Variants in ALS2CL observed in about 807,000 individuals in gnomAD.
ALS2CL encodes ALS2 C-terminal-like protein.
ALS2CL carries 112 observed loss-of-function variants against 127.9 expected under a neutral mutation model. The observed-to-expected ratio is 0.88, with a 90% CI of 0.75 to 1.02. The LOEUF (loss-of-function observed/expected upper bound fraction) is 1.02. Ranked by LOEUF, ALS2CL falls within the 50% of genes least tolerant of loss-of-function variation. The pLI is 0.00. For missense variants in ALS2CL, 1,174 were observed against 1,236.7 expected (o/e 0.95, Z 0.76); for synonymous variants, 519 against 527.6 (o/e 0.98, Z 0.22).
rs533853040 is a variant in ALS2CL at position 46,680,837 on chromosome 3, G to A, written c.1437-296C>T. The A allele has an allele frequency of 4.4e-5, 23 of 526,390 alleles. No individual in the cohort carries two copies. The East Asian group carries it at 4.7e-4, about 11-fold the overall frequency. The allele number at this position is 526,390 out of a possible 1,614,324, so 32.6% of individuals were successfully genotyped here. The stretch of plus-strand genomic sequence containing the variant: ...GGAGGTAGGAGCATGTGATGGATAC[G>A]TGGGGACTTCAGTGGTCCAGAAAGG... On this transcript the variant is annotated intron_variant, in intron 13 of 25. Transcript: ENST00000318962.
intron 7 of ALS2CL, 67 bp downstream of exon 7, chr3:46,685,458 C>A (rs77014442): frequency 0.06 from 94,530 of 1,586,220 alleles, 3,282 homozygotes; most frequent in Non-Finnish European, 0.069. Flanking sequence ...CCCTTTACTG[C>A]TCCTTTTCCA....
In ALS2CL at chr3:46,682,098, G is replaced by A; in HGVS notation, c.1110-4C>T. On this transcript the variant is annotated splice_region_variant and splice_polypyrimidine_tract_variant and intron_variant, in intron 10 of 25. Transcript: ENST00000318962. Reference sequence around the variant, plus strand: ...ATCCGGCCATTTCAGGGTTCCCCTGGAACACAGTGGAGGTTCACGAGCCTC... The same window carrying A: ...ATCCGGCCATTTCAGGGTTCCCCTGAAACACAGTGGAGGTTCACGAGCCTC... 1 of 1,613,690 alleles carries A rather than the reference G, an allele frequency of 6.2e-7. No homozygotes were observed.
chr3:46,685,718 C>A, intron 6 of ALS2CL, 74 bp from the exon 7 acceptor site: 1 of 1,541,648 alleles, frequency 6.5e-7, no homozygotes, highest in South Asian at 1.2e-5. Flanking sequence ...CTGCCACCTC[C>A]CAATGTACCC....
At position 46,670,103 on chromosome 3, in the gene ALS2CL, C is replaced by A. The variant is rs534073240; in HGVS notation, c.*881G>T. ...GGGCAGAGGGAGACCGTGCACGTCA[C>A]CCGGCACAATGTGACGGAAGATAAA... On this transcript the variant is annotated 3_prime_UTR_variant, in exon 26 of 26. Transcript: ENST00000318962. The surrounding 1 kb of genome is among the most constrained non-coding windows in gnomAD (Gnocchi z 5.5). 6.6e-6 allele frequency: 1 copy of A among 152,360 alleles called. No individual in the cohort carries two copies. Among genetic ancestry groups the A allele is most frequent in the Non-Finnish European group, 1.5e-5 (1 of 68,058 alleles). The allele number at this position is 152,360 out of a possible 1,614,324, so 9.4% of individuals were successfully genotyped here. A position where few individuals can be genotyped will look rare whatever the true frequency, so the allele number is the denominator to read the frequency against.
intron 25 of ALS2CL, 143 bp from the exon 26 acceptor site, chr3:46,671,207 G>A (rs1222362880): frequency 9.7e-7 from 1 of 1,034,210 alleles, no homozygotes; most frequent in Non-Finnish European, 1.4e-6. Flanking sequence ...GCCACAGTCT[G>A]CGAGGAAAAT....
intron 4 of ALS2CL, 89 bp from the exon 5 acceptor site, chr3:46,687,237 C>A: frequency 7.2e-7 from 1 of 1,395,116 alleles, no homozygotes; most frequent in South Asian, 1.5e-5. Context: ...CTAATCCCCT[C>A]AGATCCCAGG....
At chr3:46,687,766 C>T in intron 3 of ALS2CL, 82 bp from the exon 4 acceptor site, 1 of 1,432,920 alleles carries the variant, frequency 7.0e-7, no homozygotes, top group Non-Finnish European at 9.5e-7. Context: ...TCCCCAGATC[C>T]CACCCACTAG....
intron 7 of ALS2CL, among the ~76,000 whole-genome samples, chr3:46,685,124 T>G (rs1466383857): frequency 6.6e-6 from 1 of 152,202 alleles, no homozygotes; most frequent in Non-Finnish European, 1.5e-5. Context: ...CAGCCCTCCT[T>G]AGTCACCCCT....
At position 46,669,849 on chromosome 3, in the gene ALS2CL, TC is replaced by T. The variant is rs748251693; in HGVS notation, c.*1134del. The T allele has an allele frequency of 2.6e-5, 4 of 152,404 alleles. No individual in the cohort carries two copies. The highest frequency in any genetic ancestry group is 6.8e-3 in the Middle Eastern group (2 of 294). 9.4% of individuals were successfully genotyped at this position (152,404 alleles called of 1,614,324 possible). On this transcript the variant is annotated 3_prime_UTR_variant, in exon 26 of 26. Coordinates refer to ENST00000318962, the MANE Select transcript of ALS2CL (RefSeq NM_147129.5). ...CAGGGACTCAGGTGTGGCTGGGCTT[TC>T]CAGAGCCTCCCTCAACCCTCCCCTC... is the stretch of plus-strand genomic sequence containing the variant.
chr3:46,685,611 G>T lies in ALS2CL; in HGVS notation c.700C>A (p.Gln234Lys), dbSNP rs771447549. ...VLCTPAHRLL[Q>K]DSQDVPVTVA... The stretch of plus-strand genomic sequence containing the variant: ...GTCACGGGTACGTCCTGGCTGTCCT[G>T]AAGGAGTCTGTGAGCAGGGGTGCAG... The change falls in exon 7 of 26, where the codon CAG becomes AAG. Residue 234 changes from glutamine to lysine, a missense_variant. Gln to Lys is a moderately conservative substitution (Grantham distance 53). Transcript: ENST00000318962. The T allele has an allele frequency of 1.9e-6, 3 of 1,613,834 alleles. No individual in the cohort carries two copies. Among genetic ancestry groups the T allele is most frequent in the Non-Finnish European group, 2.5e-6 (3 of 1,179,950 alleles).
chr3:46,676,326 C>T lies in ALS2CL; in HGVS notation c.2105G>A (p.Gly702Asp). 6.2e-7 allele frequency: 1 copy of T among 1,613,894 alleles called. No individual in the cohort carries two copies. Among genetic ancestry groups the T allele is most frequent in the Non-Finnish European group, 8.5e-7 (1 of 1,180,000 alleles). Residue 702 changes from glycine (G) to aspartate (D), a missense_variant, in exon 19 of 26, where the codon GGT (glycine) becomes GAT (aspartate). Gly to Asp is a moderately conservative substitution (Grantham distance 94). Coordinates refer to ENST00000318962, the MANE Select transcript of ALS2CL (RefSeq NM_147129.5). ...CTGCAGGTGCTTGTTGGCCCCGACA[C>T]CTGCGTAGGTAGCCTGGAAGGTCAG... ...LMLTFQATYA[G>D]VGANKHLQEL... is the part of the protein sequence containing the mutation.
intron 7 of ALS2CL, 99 bp from the exon 8 acceptor site, chr3:46,684,146 C>T: frequency 7.4e-7 from 1 of 1,348,194 alleles, no homozygotes; most frequent in Non-Finnish European, 1.0e-6. Context: ...GTGTGGCCAC[C>T]AAGGCTATTC....
At chr3:46,673,456 T>C in intron 21 of ALS2CL, 75 bp from the exon 22 acceptor site, 1 of 1,440,632 alleles carries the variant, frequency 6.9e-7, no homozygotes. Context: ...GCAAATTCCC[T>C]ATGCCACTGT....
rs547420862 is a variant in ALS2CL at position 46,682,524 on chromosome 3, C to T, written c.1110-430G>A. Among the ~76,000 whole-genome samples, 29 of 152,258 alleles carry T rather than the reference C, an allele frequency of 1.9e-4. No homozygotes were observed. In the Middle Eastern group the frequency reaches 0.017, roughly 89 times the overall value. ...AAGGAGGCAGGGTATCAGAAACTAG[C>T]GGAGGTGCTTGAGAGTGTAGCCTTG... On this transcript the variant is annotated intron_variant, in intron 10 of 25. Transcript: ENST00000318962.
At position 46,688,090 on chromosome 3, in the gene ALS2CL, G is replaced by T; in HGVS notation, c.302+8C>A. On this transcript the variant is annotated splice_region_variant and intron_variant, in intron 3 of 25. Transcript: ENST00000318962. ...GATGAGCCCCAGCCCCACCTCCAGT[G>T]GTCTTACTCTATGTGGGCCTGCAGT... 1.2e-6 allele frequency: 2 copies of T among 1,612,048 alleles called. No homozygotes were observed. The highest frequency in any genetic ancestry group is 1.7e-6 in the Non-Finnish European group (2 of 1,179,036).
In ALS2CL at chr3:46,670,962, A is replaced by T. The variant is rs1698334278; in HGVS notation, c.*22T>A. The T allele has an allele frequency of 6.2e-7, 1 of 1,607,362 alleles. No individual in the cohort carries two copies. Among genetic ancestry groups the T allele is most frequent in the Non-Finnish European group, 8.5e-7 (1 of 1,174,012 alleles). ...CTGGCAGTGCCCTGCTCAGCTCTTC[A>T]GTCTGTCCAGGAAAGGCCAGGCTAC... is the stretch of plus-strand genomic sequence containing the variant. On this transcript the variant is annotated 3_prime_UTR_variant, in exon 26 of 26. Transcript: ENST00000318962. The surrounding 1 kb of genome is among the most constrained non-coding windows in gnomAD (Gnocchi z 5.5).
At chr3:46,676,782 C>T (rs761074896) in intron 17 of ALS2CL, 44 bp from the exon 18 acceptor site, 7 of 1,611,630 alleles carry the variant, frequency 4.3e-6, no homozygotes, top group Non-Finnish European at 5.9e-6. Flanking sequence ...CTCGGCCCAG[C>T]CCCCTCCCCC....
chr3:46,686,150 G>C lies in ALS2CL; in HGVS notation c.666+158C>G, dbSNP rs751858458. Reference sequence around the variant, plus strand: ...CTCAGCAGACAGATAAGAATGGCTGGACAGAGGGACCTTACAGCCACCTGC... The same window carrying C: ...CTCAGCAGACAGATAAGAATGGCTGCACAGAGGGACCTTACAGCCACCTGC... On this transcript the variant is annotated intron_variant, in intron 6 of 25. Transcript: ENST00000318962. This position sits in a 1 kb window ranked among gnomAD's most constrained non-coding sequence, Gnocchi z 4.3. Among the ~76,000 whole-genome samples, 1 of 152,140 alleles carries C rather than the reference G, an allele frequency of 6.6e-6. No homozygotes were observed. Among genetic ancestry groups the C allele is most frequent in the Non-Finnish European group, 1.5e-5 (1 of 68,008 alleles).
rs1420936320 is a variant in ALS2CL, at chr3:46,686,691, A to C, written c.535-252T>G. Among the ~76,000 whole-genome samples, 1 of 152,010 alleles carries C rather than the reference A, an allele frequency of 6.6e-6. No individual in the cohort carries two copies. The highest frequency in any genetic ancestry group is 6.5e-5 in the Admixed American group (1 of 15,276). On this transcript the variant is annotated intron_variant, in intron 5 of 25. Transcript: ENST00000318962. The surrounding 1 kb of genome is among the most constrained non-coding windows in gnomAD (Gnocchi z 4.3). ...TCTCTGGGTCTCTGCTGGCTCTACC[A>C]GGGCAGGGCCACGTGCCTCAGACAC...
Sources: gnomAD v4.1 joint callset for allele counts (sites outside exome capture counted in the v4.1 genomes callset) on GRCh38, gnomAD v4.1.1 for gene constraint, Gnocchi (gnomAD v3.1) non-coding constraint, MANE v1.5 for transcripts, NCBI Gene and HGNC (gene_info 2026-07-23, HGNC 2026-07-21) for gene names.